Variants in DCDC1 observed in about 807,000 individuals in gnomAD.
DCDC1 encodes doublecortin domain containing 1.
Under a neutral mutation model 178.3 loss-of-function variants are expected in DCDC1, and 200 were observed. The ratio of observed to expected loss-of-function variants is 1.12; its 90% CI spans 1.00 to 1.26. The LOEUF is 1.26. Among genes scored for constraint, DCDC1 ranks in the 50% most tolerant of loss-of-function variants. DCDC1 has a pLI of 0.00. For synonymous variants in DCDC1, 690 were observed against 604.8 expected (o/e 1.14, Z -2.07); for missense variants, 1,983 against 1,749.2 (o/e 1.13, Z -2.38).
chr11:30,991,707 A>G (rs1248394137), intron 20 of DCDC1, among the ~76,000 whole-genome samples: 3 of 152,198 alleles, frequency 2.0e-5, no homozygotes, highest in Admixed American at 6.5e-5. Flanking sequence ...TTCTGGAATT[A>G]TTCAGTAGGC....
intron 20 of DCDC1, among the ~76,000 whole-genome samples, chr11:31,057,564 C>T (rs1955664144): frequency 6.6e-6 from 1 of 151,896 alleles, no homozygotes; most frequent in South Asian, 2.1e-4. Flanking sequence ...AAATTTGTAT[C>T]CTTAAATGTA....
intron 25 of DCDC1, among the ~76,000 whole-genome samples, chr11:30,919,621 C>T (rs1457817298): frequency 6.6e-6 from 1 of 152,150 alleles, no homozygotes; most frequent in Admixed American, 6.5e-5. Context: ...CATCTAGGAC[C>T]AATCATTCTC....
intron 9 of DCDC1, among the ~76,000 whole-genome samples, chr11:31,170,338 T>C (rs564184064): frequency 6.6e-6 from 1 of 152,282 alleles, no homozygotes; most frequent in East Asian, 1.9e-4. Context: ...TCCAGTTTCT[T>C]CTTTCCTCAA....
intron 21 of DCDC1, among the ~76,000 whole-genome samples, chr11:30,945,689 A>T (rs1237788943): frequency 2.0e-5 from 3 of 150,248 alleles, no homozygotes; most frequent in African/African-American, 7.3e-5. Flanking sequence ...GCAAAACTCC[A>T]TCTCAAAAAT....
intron 9 of DCDC1, among the ~76,000 whole-genome samples, chr11:31,189,610 T>A (rs532822995): frequency 6.6e-6 from 1 of 152,266 alleles, no homozygotes; most frequent in South Asian, 2.1e-4. Flanking sequence ...GGAGAACCTG[T>A]TTCCTTGCCT....
chr11:30,935,099 G>C (rs1040637637), intron 21 of DCDC1, among the ~76,000 whole-genome samples: 1 of 152,140 alleles, frequency 6.6e-6, no homozygotes, highest in African/African-American at 2.4e-5. Context: ...ATTGTCAATG[G>C]TGATAAGTAT....
At chr11:31,083,840 T>C (rs946309258) in intron 17 of DCDC1, among the ~76,000 whole-genome samples, 3 of 152,234 alleles carry the variant, frequency 2.0e-5, no homozygotes, top group Non-Finnish European at 4.4e-5. Context: ...GTTAGTTTTT[T>C]AGTTGAACAC....
At chr11:31,353,613 T>C (rs1362922843) in intron 1 of DCDC1, among the ~76,000 whole-genome samples, 1 of 152,184 alleles carries the variant, frequency 6.6e-6, no homozygotes, top group Non-Finnish European at 1.5e-5. Context: ...GGTTACAGCT[T>C]TAGATAATAT....
intron 13 of DCDC1, 149 bp downstream of exon 13, chr11:31,106,648 T>C (rs1958868973): frequency 4.8e-6 from 3 of 630,192 alleles, no homozygotes; most frequent in Non-Finnish European, 8.4e-6. Context: ...CCACCAACAA[T>C]ACTGCCTTGC....
At chr11:31,051,531 T>C (rs1049794604) in intron 20 of DCDC1, among the ~76,000 whole-genome samples, 1 of 152,148 alleles carries the variant, frequency 6.6e-6, no homozygotes, top group Admixed American at 6.5e-5. Context: ...CATCAGGTTA[T>C]CCAAAGTTAA....
chr11:31,195,659 A>G (rs1476654208), intron 9 of DCDC1, among the ~76,000 whole-genome samples: 1 of 151,970 alleles, frequency 6.6e-6, no homozygotes, highest in Non-Finnish European at 1.5e-5. Flanking sequence ...TCAATTCCTT[A>G]CCTTCAAAAC....
At chr11:31,207,487 T>C (rs1341943207) in intron 9 of DCDC1, among the ~76,000 whole-genome samples, 1 of 152,132 alleles carries the variant, frequency 6.6e-6, no homozygotes, top group Non-Finnish European at 1.5e-5. Flanking sequence ...ATGAGAACTA[T>C]ATCATCTTCT....
At position 31,181,982 on chromosome 11, in the gene DCDC1, A is replaced by C. The variant is rs939002816; in HGVS notation, c.1222-44198T>G. 2.0e-5 allele frequency among the ~76,000 whole-genome samples: 3 copies of C among 152,186 alleles called. 1 individual carries two copies. The highest frequency in any genetic ancestry group is 3.9e-4 in the East Asian group (2 of 5,188). Reference sequence around the variant, plus strand: ...ATAGCTGAATCAATCAAGTTGAAGAAAGGATATGAGACATTGAAGATCAAC... The same window carrying C: ...ATAGCTGAATCAATCAAGTTGAAGACAGGATATGAGACATTGAAGATCAAC... On this transcript the variant is annotated intron_variant, in intron 9 of 38. Coordinates refer to ENST00000684477, the MANE Select transcript of DCDC1 (RefSeq NM_001387274.1).
At chr11:31,001,794 T>C (rs535311288) in intron 20 of DCDC1, among the ~76,000 whole-genome samples, 53 of 152,328 alleles carry the variant, frequency 3.5e-4, no homozygotes, top group African/African-American at 1.2e-3. Flanking sequence ...AAAGTGAGTA[T>C]ATCAAAGGTA....
intron 36 of DCDC1, among the ~76,000 whole-genome samples, chr11:30,886,442 T>G (rs994521675): frequency 2.0e-5 from 3 of 152,188 alleles, no homozygotes; most frequent in Non-Finnish European, 2.9e-5. Context: ...CAATGAGAAT[T>G]TATTTCTTGC....
chr11:31,294,598 G>A (rs1427549641), intron 6 of DCDC1, among the ~76,000 whole-genome samples: 2 of 44,956 alleles, frequency 4.4e-5, no homozygotes, highest in South Asian at 1.1e-3. Context: ...GGAAAGGGAT[G>A]GGGAGGGGAG....
At chr11:31,233,232 T>A (rs1976031695) in intron 9 of DCDC1, among the ~76,000 whole-genome samples, 1 of 152,230 alleles carries the variant, frequency 6.6e-6, no homozygotes, top group Non-Finnish European at 1.5e-5. Context: ...TTCATTCTAT[T>A]CATGCTAGTC....
intron 37 of DCDC1, among the ~76,000 whole-genome samples, chr11:30,880,003 T>G (rs1459342107): frequency 6.6e-6 from 1 of 152,160 alleles, no homozygotes; most frequent in Non-Finnish European, 1.5e-5. Context: ...TCGATTGTAT[T>G]GTAATTATTT....
intron 6 of DCDC1, among the ~76,000 whole-genome samples, chr11:31,298,328 G>C (rs557491446): frequency 6.6e-6 from 1 of 152,244 alleles, no homozygotes; most frequent in East Asian, 1.9e-4. Flanking sequence ...GCCACACCTG[G>C]TGGTTTTCAA....
Sources: allele counts gnomAD v4.1 joint callset (sites outside exome capture counted in the v4.1 genomes callset), GRCh38; gene constraint gnomAD v4.1.1; transcripts MANE v1.5; gene names NCBI Gene and HGNC (gene_info 2026-07-23, HGNC 2026-07-21).